The following CRB2 variants were observed in gnomAD, a reference collection of about 807,000 sequenced individuals.
CRB2 encodes the protein crumbs cell polarity complex component 2.
CRB2 carries 85 observed loss-of-function variants against 110.9 expected under a neutral mutation model. The observed-to-expected ratio is 0.77, with a 90% confidence interval of 0.64 to 0.92. The LOEUF (loss-of-function observed/expected upper bound fraction) is 0.92. Among genes scored for constraint, CRB2 ranks in the 40% least tolerant of loss-of-function variants. The pLI is 0.00. For synonymous variants in CRB2, 907 were observed against 831.0 expected (o/e 1.09, Z -1.57); for missense variants, 1,843 against 1,851.3 (o/e 1.00, Z 0.08).
At chr9:123,373,995 C>A in intron 10 of CRB2, 75 bp downstream of exon 10, 1 of 1,529,728 alleles carries the variant, frequency 6.5e-7, no homozygotes, top group Non-Finnish European at 8.9e-7. Context: ...TCTGCCAGGT[C>A]TGTGGATGAG....
At chr9:123,362,792 C>T in intron 1 of CRB2, 73 bp from the exon 2 acceptor site, 1 of 1,440,166 alleles carries the variant, frequency 6.9e-7, no homozygotes, top group South Asian at 1.3e-5. Context: ...CTGGGGTGGG[C>T]CTGAGAGGGT....
chr9:123,368,817 C>T, intron 6 of CRB2: 2 of 1,223,068 alleles, frequency 1.6e-6, no homozygotes, highest in Non-Finnish European at 2.1e-6. Flanking sequence ...CTGGGCCAGG[C>T]AGGGAGCTCT....
chr9:123,359,208 T>C (rs1205977826), intron 1 of CRB2, among the ~76,000 whole-genome samples: 1 of 152,142 alleles, frequency 6.6e-6, no homozygotes, highest in Non-Finnish European at 1.5e-5. Context: ...CCTTTCCTGA[T>C]GACTGAGTGA....
chr9:123,374,211 G>A, intron 10 of CRB2: 1 of 601,512 alleles, frequency 1.7e-6, no homozygotes, highest in South Asian at 2.0e-5. Context: ...GTGGAGGGAG[G>A]GGGTCAGGCT....
Position 123,378,073 on chromosome 9 carries a change from C to T in CRB2, c.*1011C>T, listed in dbSNP as rs1263479768. On this transcript the variant is annotated 3_prime_UTR_variant, in exon 13 of 13. Transcript: ENST00000373631. ...TCCAGCTCCGGTCCTTCCTAGCAGC[C>T]TGGTGAGCTCACTCCTTCCCCTGAT... 1 of 152,670 alleles carries T rather than the reference C, an allele frequency of 6.6e-6. No homozygotes were observed. Among genetic ancestry groups the T allele is most frequent in the African/African-American group, 2.4e-5 (1 of 41,476 alleles). The allele number at this position is 152,670 out of a possible 1,614,324, so 9.5% of individuals were successfully genotyped here. A position where few individuals can be genotyped will look rare whatever the true frequency, so the allele number is the denominator to read the frequency against.
intron 2 of CRB2, among the ~76,000 whole-genome samples, 187 bp from the exon 3 acceptor site, chr9:123,365,726 GCTGT>G (rs1470824263): frequency 6.6e-6 from 1 of 152,180 alleles, no homozygotes; most frequent in East Asian, 1.9e-4. Context: ...TGAAGGCAGG[GCTGT>G]CTGTCTCGTT....
intron 1 of CRB2, among the ~76,000 whole-genome samples, chr9:123,358,532 G>A (rs1355801825): frequency 6.6e-6 from 1 of 152,252 alleles, no homozygotes; most frequent in Non-Finnish European, 1.5e-5. Context: ...GACAGTGGGT[G>A]TCTGCCTCAA....
At position 123,373,355 on chromosome 9, in the gene CRB2, G is replaced by C; in HGVS notation, c.2824G>C (p.Ala942Pro). ...GCGCGGAGGCCATGGCCTGCCCGGCGCTGTGCTGCCCATACCGGGGCCGCG... is the reference window on the plus strand; with the variant it reads ...GCGCGGAGGCCATGGCCTGCCCGGCCCTGTGCTGCCCATACCGGGGCCGCG... ...GVRGGHGLPG[A>P]VLPIPGPRVA... is the part of the protein sequence containing the mutation. Residue 942 changes from alanine (A) to proline (P), a missense_variant, in exon 10 of 13, where the codon GCT becomes CCT. Ala to Pro is a conservative substitution (Grantham distance 27). Transcript: ENST00000373631. 1.4e-6 allele frequency: 2 copies of C among 1,438,586 alleles called. No individual in the cohort carries two copies. Among genetic ancestry groups the C allele is most frequent in the Non-Finnish European group, 1.8e-6 (2 of 1,103,850 alleles). 89.1% of individuals were successfully genotyped at this position (1,438,586 alleles called of 1,614,324 possible). A position where few individuals can be genotyped will look rare whatever the true frequency, so the allele number is the denominator to read the frequency against.
intron 2 of CRB2, among the ~76,000 whole-genome samples, chr9:123,363,614 G>T (rs1371665312): frequency 6.6e-6 from 1 of 152,114 alleles, no homozygotes. Context: ...CAGCTCATTT[G>T]AACACTCCTG....
In CRB2 at chr9:123,367,191, C is replaced by T. The variant is rs766979522; in HGVS notation, c.774C>T (p.Cys258=). The T allele has an allele frequency of 1.8e-5, 28 of 1,599,266 alleles. No homozygotes were observed. Among genetic ancestry groups the T allele is most frequent in the Non-Finnish European group, 2.1e-5 (25 of 1,177,582 alleles). ...CCCCAGGCTACAGCGGCGAGCTGTG[C>T]GAGGTGGACGAGGACGAGTGTGCAT... ...LCWPGYSGEL[C]EVDEDECASS... Residue 258 remains cysteine (C), a synonymous_variant, in exon 5 of 13, where the codon TGC becomes TGT. Transcript: ENST00000373631.
At chr9:123,375,850 G>A (rs369209337) in intron 12 of CRB2, among the ~76,000 whole-genome samples, 14 of 152,192 alleles carry the variant, frequency 9.2e-5, no homozygotes, top group African/African-American at 3.1e-4. Context: ...CTGGACAGAC[G>A]AAGGCAGCAG....
chr9:123,361,426 C>T (rs1295615262), intron 1 of CRB2, among the ~76,000 whole-genome samples: 2 of 152,134 alleles, frequency 1.3e-5, no homozygotes, highest in East Asian at 1.9e-4. Flanking sequence ...TGGAAGGATG[C>T]GGGTCAGGCC....
rs1305722963 is a variant in CRB2, at chr9:123,372,439, A to G, written c.2602+97A>G. ...CTCAGGGCTTGTAGGATACTGGTGG[A>G]CCAGGCATGCCAAGCCCTAGGGCAG... is the stretch of plus-strand genomic sequence containing the variant. On this transcript the variant is annotated intron_variant, in intron 9 of 12. Transcript: ENST00000373631. The G allele has an allele frequency of 3.4e-6, 5 of 1,452,668 alleles. No homozygotes were observed. In the African/African-American group the frequency reaches 7.1e-5, roughly 21 times the overall value. The allele number at this position is 1,452,668 out of a possible 1,614,324, so 90.0% of individuals were successfully genotyped here. A position where few individuals can be genotyped will look rare whatever the true frequency, so the allele number is the denominator to read the frequency against.
At position 123,373,022 on chromosome 9, in the gene CRB2, G is replaced by A. The variant is rs115964262; in HGVS notation, c.2603-112G>A. 765 of 862,776 alleles carry A rather than the reference G, an allele frequency of 8.9e-4. 4 individuals are homozygous for A. In the African/African-American group the frequency reaches 0.013, roughly 14 times the overall value. 53.4% of individuals were successfully genotyped at this position (862,776 alleles called of 1,614,324 possible). ...CCAGGATTAGATGATAGGTGGGTGC[G>A]TGTGCCCCACCCCAAGTAAGTGGCT... On this transcript the variant is annotated intron_variant, in intron 9 of 12. Coordinates refer to ENST00000373631, the MANE Select transcript of CRB2 (RefSeq NM_173689.7).
Position 123,363,136 on chromosome 9 carries a change from C to A in CRB2, c.366C>A (p.Thr122=). ...CASRPCHHGA[T]CRNLADRYEC... ...CCCGGCCGTGCCACCATGGGGCCAC[C>A]TGCCGCAACCTGGCCGATCGCTACG... Residue 122 remains threonine (T), a synonymous_variant, in exon 2 of 13, where the codon ACC becomes ACA. Transcript: ENST00000373631. 1 of 1,611,034 alleles carries A rather than the reference C, an allele frequency of 6.2e-7. No individual in the cohort carries two copies. The highest frequency in any genetic ancestry group is 8.5e-7 in the Non-Finnish European group (1 of 1,179,370).
Position 123,371,300 on chromosome 9 carries a change from C to T in CRB2, c.2158C>T (p.Arg720Cys), listed in dbSNP as rs1401932154. ...CAGTCCTGCTGTAGTGCTCCCTGGGCGCTGGGATGATGGGCTCCGTCACCT... is the reference window on the plus strand; with the variant it reads ...CAGTCCTGCTGTAGTGCTCCCTGGGTGCTGGGATGATGGGCTCCGTCACCT... ...PGSPAVVLPGRWDDGLRHLVM... is the reference protein window; with the variant it reads ...PGSPAVVLPGCWDDGLRHLVM... Residue 720 changes from arginine to cysteine, a missense_variant, in exon 8 of 13, where the codon CGC becomes TGC. Physicochemically the swap from Arg to Cys is radical, Grantham distance 180. Transcript: ENST00000373631. 7.4e-6 allele frequency: 12 copies of T among 1,612,492 alleles called. No individual in the cohort carries two copies. Among genetic ancestry groups the T allele is most frequent in the Admixed American group, 1.7e-5 (1 of 59,950 alleles).
rs775348629 is a variant in CRB2 at position 123,365,978 on chromosome 9, G to A, written c.480G>A (p.Ser160=). ...CASAPCLHGG[S]CLDGVGSFRC... ...CAGCGCCCTGCCTGCACGGGGGCTC[G>A]TGCCTGGACGGCGTGGGCTCCTTCC... Residue 160 remains serine, a synonymous_variant, in exon 3 of 13, where the codon TCG becomes TCA. Coordinates refer to ENST00000373631, the MANE Select transcript of CRB2 (RefSeq NM_173689.7). 11 of 1,597,278 alleles carry A rather than the reference G, an allele frequency of 6.9e-6. No individual in the cohort carries two copies. The highest frequency in any genetic ancestry group is 5.5e-5 in the South Asian group (5 of 90,798).
At chr9:123,364,382 GCATC>G (rs2041906426) in intron 2 of CRB2, among the ~76,000 whole-genome samples, 2 of 152,140 alleles carry the variant, frequency 1.3e-5, no homozygotes, top group South Asian at 2.1e-4. Context: ...AGTGGGTTGT[GCATC>G]CGGATGTGTA....
At chr9:123,380,195 G>GTGTC (rs1253272302), downstream of CRB2, 1 of 152,364 alleles carries the variant, frequency 6.6e-6, no homozygotes, top group Non-Finnish European at 1.5e-5. Flanking sequence ...AATTTCCTGC[G>GTGTC]TGTCTCAGAT....
Sources: gnomAD v4.1 joint callset for allele counts (sites outside exome capture counted in the v4.1 genomes callset) on GRCh38, gnomAD v4.1.1 for gene constraint, MANE v1.5 for transcripts, NCBI Gene and HGNC (gene_info 2026-07-23, HGNC 2026-07-21) for gene names.